The following ALDH5A1 variants were observed in gnomAD, a reference collection of about 807,000 sequenced individuals.
ALDH5A1 encodes succinate-semialdehyde dehydrogenase, mitochondrial.
A neutral mutation model predicts 54.7 loss-of-function variants in ALDH5A1; 33 were observed. The ratio of observed to expected loss-of-function variants is 0.60; its 90% CI spans 0.46 to 0.81. The LOEUF is 0.81. Among genes scored for constraint, ALDH5A1 ranks in the 30% least tolerant of loss-of-function variants. ALDH5A1 has a pLI of 0.00. For missense variants in ALDH5A1, 657 were observed against 711.0 expected, an observed-to-expected ratio of 0.92 and a Z score of 0.86; for synonymous variants, 294 against 292.7, an observed-to-expected ratio of 1.00 and a Z score of -0.05.
chr6:24,519,821 A>G (rs1759641795), intron 5 of ALDH5A1, among the ~76,000 whole-genome samples: 1 of 151,608 alleles, frequency 6.6e-6, no homozygotes, highest in Non-Finnish European at 1.5e-5. Flanking sequence ...GATGTACTTT[A>G]AAATGTTATC....
chr6:24,515,452 C>T (rs1461918437), intron 5 of ALDH5A1, 142 bp downstream of exon 5: 15 of 1,030,174 alleles, frequency 1.5e-5, no homozygotes, highest in Admixed American at 4.3e-5. Flanking sequence ...AGGCCAAGCA[C>T]GGCGGCTCAT....
At position 24,513,976 on chromosome 6, in the gene ALDH5A1, C is replaced by G. The variant is rs75391371; in HGVS notation, c.727-1191C>G. Among the ~76,000 whole-genome samples, 310 of 152,316 alleles carry G rather than the reference C, an allele frequency of 2.0e-3. 3 individuals carry two copies. Among genetic ancestry groups the G allele is most frequent in the African/African-American group, 7.1e-3 (294 of 41,566 alleles). On this transcript the variant is annotated intron_variant, in intron 4 of 9. Coordinates refer to ENST00000357578, the MANE Select transcript of ALDH5A1 (RefSeq NM_001080.3). The stretch of plus-strand genomic sequence containing the variant: ...GTCTCTGAGATTTGGGGTTTGCTGT[C>G]TAATTGCTGTTTTCATGAGGATATT...
chr6:24,504,710 C>CG lies in ALDH5A1; in HGVS notation c.610-152dup, dbSNP rs11376824. On this transcript the variant is annotated intron_variant, in intron 3 of 9. Coordinates refer to ENST00000357578, the MANE Select transcript of ALDH5A1 (RefSeq NM_001080.3). ...TTTATCTCAGAGTCCCTCAAGTTGG[C>CG]GGGGGGGTCAGGTGTTCTGAGAGCT... is the stretch of plus-strand genomic sequence containing the variant. Among the ~76,000 whole-genome samples, 3,169 of 152,176 alleles carry CG rather than the reference C, an allele frequency of 0.021. 109 individuals are homozygous for CG. Among genetic ancestry groups the CG allele is most frequent in the African/African-American group, 0.07 (2,891 of 41,492 alleles).
intron 5 of ALDH5A1, among the ~76,000 whole-genome samples, chr6:24,520,142 AATCCTCCCACTT>A (rs1365310026): frequency 1.1e-4 from 17 of 152,004 alleles, no homozygotes; most frequent in Non-Finnish European, 2.5e-4. Context: ...GGCCTCAAGT[AATCCTCCCACTT>A]CAGCCTCTTA....
intron 8 of ALDH5A1, among the ~76,000 whole-genome samples, chr6:24,531,250 C>T (rs183033881): frequency 2.0e-4 from 31 of 152,222 alleles, no homozygotes; most frequent in Admixed American, 1.7e-3. Flanking sequence ...GGAAATGGAC[C>T]CTTGAAGAAC....
At chr6:24,499,981 T>C in intron 1 of ALDH5A1, among the ~76,000 whole-genome samples, 1 of 151,926 alleles carries the variant, frequency 6.6e-6, no homozygotes, top group Non-Finnish European at 1.5e-5. Context: ...AATTTCTGTG[T>C]GTGTGTGTGT....
rs115269669 is a variant in ALDH5A1, at chr6:24,503,540, A to C, written c.609+107A>C. 7.7e-4 allele frequency: 1,041 copies of C among 1,346,628 alleles called. 5 individuals carry two copies. In the African/African-American group the frequency reaches 0.012, roughly 16 times the overall value. The allele number at this position is 1,346,628 out of a possible 1,614,324, so 83.4% of individuals were successfully genotyped here. On this transcript the variant is annotated intron_variant, in intron 3 of 9. Coordinates refer to ENST00000357578, the MANE Select transcript of ALDH5A1 (RefSeq NM_001080.3). ...GTGTGCTCATCCTGTTAGTTTTGTC[A>C]CCTGTTCCTGGTTTCCTGATGCTTT...
chr6:24,529,240 C>T (rs1407605604), intron 8 of ALDH5A1, among the ~76,000 whole-genome samples: 4 of 151,922 alleles, frequency 2.6e-5, no homozygotes, highest in Non-Finnish European at 5.9e-5. Flanking sequence ...GATCTCGGCT[C>T]ACTGCAACCT....
chr6:24,511,918 A>G (rs1442596060), intron 4 of ALDH5A1: 1 of 576,420 alleles, frequency 1.7e-6, no homozygotes, highest in South Asian at 2.5e-5. Context: ...GTTTTTTCAT[A>G]TTATCAGAGT....
intron 6 of ALDH5A1, among the ~76,000 whole-genome samples, chr6:24,521,989 C>G (rs1043705836): frequency 1.3e-5 from 2 of 151,514 alleles, no homozygotes; most frequent in African/African-American, 4.9e-5. Flanking sequence ...GCCTCAGCCT[C>G]CTGAGTAGCT....
At chr6:24,503,549 T>A in intron 3 of ALDH5A1, 116 bp downstream of exon 3, 1 of 1,241,788 alleles carries the variant, frequency 8.1e-7, no homozygotes, top group Non-Finnish European at 1.1e-6. Context: ...CACCTGTTCC[T>A]GGTTTCCTGA....
intron 1 of ALDH5A1, among the ~76,000 whole-genome samples, chr6:24,496,544 G>C (rs1222715869): frequency 6.6e-6 from 1 of 152,192 alleles, no homozygotes. Context: ...CCCAGATCGA[G>C]GTGTTGTCAG....
intron 2 of ALDH5A1, among the ~76,000 whole-genome samples, chr6:24,502,982 G>A (rs559679325): frequency 1.3e-5 from 2 of 150,426 alleles, no homozygotes; most frequent in Admixed American, 6.6e-5. Flanking sequence ...ATTTCATATC[G>A]TGGTTACAAT....
chr6:24,523,804 C>T (rs764478399), intron 7 of ALDH5A1, among the ~76,000 whole-genome samples: 26 of 152,014 alleles, frequency 1.7e-4, no homozygotes, highest in Non-Finnish European at 2.9e-4. Context: ...ACAGATGCCG[C>T]GTTCAGGATT....
chr6:24,521,857 A>ATTTT lies in ALDH5A1; in HGVS notation c.1015-888_1015-885dup, dbSNP rs71542679. Among the ~76,000 whole-genome samples, 433 of 98,198 alleles carry ATTTT rather than the reference A, an allele frequency of 4.4e-3. 2 individuals are homozygous for ATTTT. Among genetic ancestry groups the ATTTT allele is most frequent in the African/African-American group, 6.7e-3 (148 of 21,952 alleles). 64.4% of individuals were successfully genotyped at this position (98,198 alleles called of 152,430 possible). On this transcript the variant is annotated intron_variant, in intron 6 of 9. Transcript: ENST00000357578. ...AACAGAGTGAGACTCTGTCTCTACAATTTTTTTTTTTTTTTTTTTTTTTTT... is the reference window on the plus strand; with the variant it reads ...AACAGAGTGAGACTCTGTCTCTACAATTTTTTTTTTTTTTTTTTTTTTTTTTTTT...
rs1014463856 is a variant in ALDH5A1, at chr6:24,495,429, C to T, written c.354+79C>T. On this transcript the variant is annotated intron_variant, in intron 1 of 9. Transcript: ENST00000357578. ...CAGAGGGGGCTTTACCCCAAAGTGA[C>T]ACCAGCCGCGTCGCCTCCCTCCTGT... 12 of 1,395,380 alleles carry T rather than the reference C, an allele frequency of 8.6e-6. No homozygotes were observed. In the East Asian group the frequency reaches 3.2e-4, roughly 37 times the overall value. The allele number at this position is 1,395,380 out of a possible 1,614,324, so 86.4% of individuals were successfully genotyped here.
chr6:24,495,500 G>A (rs1764681482), intron 1 of ALDH5A1, 150 bp downstream of exon 1: 1 of 794,502 alleles, frequency 1.3e-6, no homozygotes, highest in Non-Finnish European at 1.9e-6. Context: ...GAGCAACAAG[G>A]GAGACGACCG....
At chr6:24,502,201 ATTTGCTCTTCCTCTGCC>A (rs1338474491) in intron 1 of ALDH5A1, among the ~76,000 whole-genome samples, 1 of 152,120 alleles carries the variant, frequency 6.6e-6, no homozygotes, top group East Asian at 1.9e-4. Context: ...CAGAGAGTGA[ATTTGCTCTTCCTCTGCC>A]ACTTTGTTCT....
chr6:24,497,485 T>C lies in ALDH5A1; in HGVS notation c.354+2135T>C, dbSNP rs564171789. On this transcript the variant is annotated intron_variant, in intron 1 of 9. Coordinates refer to ENST00000357578, the MANE Select transcript of ALDH5A1 (RefSeq NM_001080.3). ...CTCCAGATCGCTGATTGGTGCATTT[T>C]ACAATCCTCTTGCTAGCTACAGGGT... Among the ~76,000 whole-genome samples the C allele has an allele frequency of 1.4e-3, 207 of 152,304 alleles. 1 individual carries two copies. Among genetic ancestry groups the C allele is most frequent in the African/African-American group, 4.9e-3 (205 of 41,556 alleles).
Sources: allele counts gnomAD v4.1 joint callset (sites outside exome capture counted in the v4.1 genomes callset), GRCh38; gene constraint gnomAD v4.1.1; transcripts MANE v1.5; gene names NCBI Gene and HGNC (gene_info 2026-07-23, HGNC 2026-07-21).